The following DOHH variants were observed in gnomAD, a reference collection of about 807,000 sequenced individuals.
DOHH encodes deoxyhypusine hydroxylase.
A neutral mutation model predicts 19.9 loss-of-function variants in DOHH; 16 were observed. That is an observed-to-expected ratio of 0.80 (90% CI 0.54 to 1.22). The LOEUF (loss-of-function observed/expected upper bound fraction) is 1.22, where lower values mean the gene tolerates loss of function less well. DOHH is among the 50% of genes most tolerant of loss of function. The probability of loss-of-function intolerance (pLI) is 0.00; values close to 1 mark genes in which losing one functional copy is unlikely to be tolerated. For synonymous variants in DOHH, 233 were observed against 217.0 expected, an observed-to-expected ratio of 1.07 and a Z score of -0.65; for missense variants, 460 against 460.6, an observed-to-expected ratio of 1.00 and a Z score of 0.01.
intron 2 of DOHH, among the ~76,000 whole-genome samples, chr19:3,495,167 G>A (rs1180073652): frequency 6.6e-6 from 1 of 151,760 alleles, no homozygotes; most frequent in Non-Finnish European, 1.5e-5. Context: ...AGTTGAGACG[G>A]GGTTTCACCA....
intron 3 of DOHH, among the ~76,000 whole-genome samples, chr19:3,493,598 G>A (rs190338286): frequency 1.2e-4 from 18 of 151,144 alleles, no homozygotes; most frequent in African/African-American, 3.2e-4. Flanking sequence ...GCGACAGAGC[G>A]AGACACCGTC....
intron 1 of DOHH, among the ~76,000 whole-genome samples, 166 bp downstream of exon 1, chr19:3,500,395 T>TA (rs1230015726): frequency 6.6e-6 from 1 of 152,094 alleles, no homozygotes; most frequent in Non-Finnish European, 1.5e-5. Flanking sequence ...CTCTTTCATG[T>TA]AAAAAATCCC....
In DOHH at chr19:3,491,774, G is replaced by A. The variant is rs61731123; in HGVS notation, c.627C>T (p.Val209=). The A allele has an allele frequency of 1.1e-3, 1,649 of 1,509,512 alleles. 27 individuals are homozygous for A. In the African/African-American group the frequency reaches 0.021, roughly 19 times the overall value. The allele number at this position is 1,509,512 out of a possible 1,614,324, so 93.5% of individuals were successfully genotyped here. The change falls in exon 5 of 5, where the codon GTC becomes GTT. Residue 209 remains valine, a synonymous_variant. Coordinates refer to ENST00000427575, the MANE Select transcript of DOHH (RefSeq NM_001145165.2). The surrounding 1 kb of genome is among the most constrained non-coding windows in gnomAD (Gnocchi z 5.6). ...HCGSALFRHE[V]GYVLGQLQHE... ...GCTGCAGCTGTCCCAGGACGTAGCC[G>A]ACCTCGTGGCGGAAGAGGGCGCTCC...
chr19:3,493,084 C>T (rs996638068), intron 3 of DOHH, among the ~76,000 whole-genome samples: 7 of 152,222 alleles, frequency 4.6e-5, no homozygotes, highest in South Asian at 2.1e-4. Flanking sequence ...AAAGCAGAGA[C>T]AATTCAAGCA....
At position 3,491,210 on chromosome 19, in the gene DOHH, T is replaced by C. The variant is rs2082866857; in HGVS notation, c.*282A>G. 3.8e-6 allele frequency: 2 copies of C among 522,908 alleles called. No homozygotes were observed. The highest frequency in any genetic ancestry group is 6.7e-6 in the Non-Finnish European group (2 of 299,738). 32.4% of individuals were successfully genotyped at this position (522,908 alleles called of 1,614,324 possible). ...CTTCCCTCGCAATCCTCCCCTGTCC[T>C]GAGCCGGGCATCCCAGAGCCTCCCG... On this transcript the variant is annotated 3_prime_UTR_variant, in exon 5 of 5. Transcript: ENST00000427575. The surrounding 1 kb of genome is among the most constrained non-coding windows in gnomAD (Gnocchi z 5.6).
At chr19:3,498,398 G>A (rs1041826187) in intron 1 of DOHH, among the ~76,000 whole-genome samples, 1 of 151,968 alleles carries the variant, frequency 6.6e-6, no homozygotes, top group African/African-American at 2.4e-5. Flanking sequence ...GGCATGACAA[G>A]ATAATGAAGG....
rs747887709 is a variant in DOHH at position 3,491,720 on chromosome 19, G to A, written c.681C>T (p.Ala227=). The A allele has an allele frequency of 9.3e-6, 14 of 1,510,452 alleles. No individual in the cohort carries two copies. The Admixed American group carries it at 2.2e-4, about 23-fold the overall frequency. The allele number at this position is 1,510,452 out of a possible 1,614,324, so 93.6% of individuals were successfully genotyped here. A position where few individuals can be genotyped will look rare whatever the true frequency, so the allele number is the denominator to read the frequency against. Residue 227 remains alanine (A), a synonymous_variant, in exon 5 of 5, where the codon GCC becomes GCT. Coordinates refer to ENST00000427575, the MANE Select transcript of DOHH (RefSeq NM_001145165.2). This position sits in a 1 kb window ranked among gnomAD's most constrained non-coding sequence, Gnocchi z 5.6. The stretch of plus-strand genomic sequence containing the variant: ...GGTTCTCGGTGCATCGGGCCAGGGC[G>A]GCCGCCAGCTGGGGCACCGCCGCCT... The part of the protein sequence containing the change: ...QHEAAVPQLA[A]ALARCTENPM...
intron 3 of DOHH, among the ~76,000 whole-genome samples, chr19:3,493,597 C>T (rs8108177): frequency 0.032 from 4,871 of 150,278 alleles, 114 homozygotes; most frequent in African/African-American, 0.049. Context: ...GGCGACAGAG[C>T]GAGACACCGT....
rs2082865456 is a variant in DOHH at position 3,491,076 on chromosome 19, TCGCGA to T, written c.*411_*415del. On this transcript the variant is annotated 3_prime_UTR_variant, in exon 5 of 5. Coordinates refer to ENST00000427575, the MANE Select transcript of DOHH (RefSeq NM_001145165.2). The surrounding 1 kb of genome is among the most constrained non-coding windows in gnomAD (Gnocchi z 5.6). ...CCTCGCGATCCTCCCCTGGCTCCCC[TCGCGA>T]TCCTCCCTTGGCTTCCCTCGCGATC... 4.6e-6 allele frequency: 1 copy of T among 215,144 alleles called. No individual in the cohort carries two copies. Among genetic ancestry groups the T allele is most frequent in the African/African-American group, 2.8e-5 (1 of 35,160 alleles). The allele number at this position is 215,144 out of a possible 1,614,324, so 13.3% of individuals were successfully genotyped here. A position where few individuals can be genotyped will look rare whatever the true frequency, so the allele number is the denominator to read the frequency against.
At chr19:3,500,280 G>A (rs1183762256) in intron 1 of DOHH, among the ~76,000 whole-genome samples, 2 of 152,192 alleles carry the variant, frequency 1.3e-5, no homozygotes, top group African/African-American at 4.8e-5. Context: ...CCTTTAAAGA[G>A]GGGTCATCAG....
intron 1 of DOHH, among the ~76,000 whole-genome samples, chr19:3,498,205 C>T (rs1049885368): frequency 6.6e-6 from 1 of 152,160 alleles, no homozygotes; most frequent in African/African-American, 2.4e-5. Context: ...GAGGAACATT[C>T]TTCCCTAGAT....
Position 3,492,183 on chromosome 19 carries a change from G to A in DOHH, c.589+79C>T, listed in dbSNP as rs1478235914. ...GATGCCGTTCCCGGGGGCAGGCCGC[G>A]GCCCCACTGCACAGATGCCATCACT... On this transcript the variant is annotated intron_variant, in intron 4 of 4. Coordinates refer to ENST00000427575, the MANE Select transcript of DOHH (RefSeq NM_001145165.2). 1.1e-5 allele frequency: 14 copies of A among 1,275,406 alleles called. No individual in the cohort carries two copies. The Admixed American group carries it at 4.3e-4, about 40-fold the overall frequency. 79.0% of individuals were successfully genotyped at this position (1,275,406 alleles called of 1,614,324 possible).
rs1190577335 is a variant in DOHH at position 3,496,874 on chromosome 19, G to A, written c.-60C>T. ...TGCTCAGGCTAAACCTGGGGACGCG[G>A]GGATGTAAGAACCTGTGGCAGAAAA... On this transcript the variant is annotated 5_prime_UTR_variant, in exon 2 of 5. Coordinates refer to ENST00000427575, the MANE Select transcript of DOHH (RefSeq NM_001145165.2). The surrounding 1 kb of genome is among the most constrained non-coding windows in gnomAD (Gnocchi z 4.8). 2 of 1,410,676 alleles carry A rather than the reference G, an allele frequency of 1.4e-6. No homozygotes were observed. Among genetic ancestry groups the A allele is most frequent in the African/African-American group, 2.8e-5 (2 of 70,254 alleles). 87.4% of individuals were successfully genotyped at this position (1,410,676 alleles called of 1,614,324 possible).
Position 3,491,774 on chromosome 19 carries a change from G to T in DOHH, c.627C>A (p.Val209=). 6.6e-7 allele frequency: 1 copy of T among 1,509,516 alleles called. No individual in the cohort carries two copies. The highest frequency in any genetic ancestry group is 2.6e-5 in the East Asian group (1 of 39,004). 93.5% of individuals were successfully genotyped at this position (1,509,516 alleles called of 1,614,324 possible). ...GCTGCAGCTGTCCCAGGACGTAGCC[G>T]ACCTCGTGGCGGAAGAGGGCGCTCC... is the stretch of plus-strand genomic sequence containing the variant. ...HCGSALFRHE[V]GYVLGQLQHE... is the part of the protein sequence containing the mutation. The change falls in exon 5 of 5, where the codon GTC becomes GTA. Residue 209 remains valine, a synonymous_variant. Transcript: ENST00000427575. This position sits in a 1 kb window ranked among gnomAD's most constrained non-coding sequence, Gnocchi z 5.6.
In DOHH at chr19:3,496,735, G is replaced by A. The variant is rs1185242289; in HGVS notation, c.80C>T (p.Ala27Val). 4 of 1,612,010 alleles carry A rather than the reference G, an allele frequency of 2.5e-6. No homozygotes were observed. Among genetic ancestry groups the A allele is most frequent in the Non-Finnish European group, 3.4e-6 (4 of 1,179,654 alleles). Residue 27 changes from alanine to valine, a missense_variant, in exon 2 of 5, where the codon GCG becomes GTG. Coordinates refer to ENST00000427575, the MANE Select transcript of DOHH (RefSeq NM_001145165.2). The surrounding 1 kb of genome is among the most constrained non-coding windows in gnomAD (Gnocchi z 4.8). The stretch of plus-strand genomic sequence containing the variant: ...GCCGAGCCCACGCAGCGTGAACAGC[G>A]CCCGGAAGCGGGCCTGCAGGGGCTG... Reference protein sequence around the residue: ...PKQPLQARFRALFTLRGLGGP... With the variant: ...PKQPLQARFRVLFTLRGLGGP...
chr19:3,494,392 A>T (rs1172748452), intron 2 of DOHH, among the ~76,000 whole-genome samples: 1 of 152,254 alleles, frequency 6.6e-6, no homozygotes, highest in African/African-American at 2.4e-5. Flanking sequence ...GTATATCCCT[A>T]CAACTCGGGA....
rs1166842588 is a variant in DOHH, at chr19:3,491,488, G to C, written c.*4C>G. ...CTCCGGGAGCTCCGGGTGAGGGTGGGGCCCTAGGAGGGGGCCCCGCGCAGC... is the reference window on the plus strand; with the variant it reads ...CTCCGGGAGCTCCGGGTGAGGGTGGCGCCCTAGGAGGGGGCCCCGCGCAGC... On this transcript the variant is annotated 3_prime_UTR_variant, in exon 5 of 5. Transcript: ENST00000427575. The surrounding 1 kb of genome is among the most constrained non-coding windows in gnomAD (Gnocchi z 5.6). 1.3e-6 allele frequency: 2 copies of C among 1,531,736 alleles called. No individual in the cohort carries two copies. Among genetic ancestry groups the C allele is most frequent in the South Asian group, 1.2e-5 (1 of 83,758 alleles). The allele number at this position is 1,531,736 out of a possible 1,614,324, so 94.9% of individuals were successfully genotyped here. A position where few individuals can be genotyped will look rare whatever the true frequency, so the allele number is the denominator to read the frequency against.
In DOHH at chr19:3,491,372, G is replaced by T. The variant is rs1007368573; in HGVS notation, c.*120C>A. On this transcript the variant is annotated 3_prime_UTR_variant, in exon 5 of 5. Coordinates refer to ENST00000427575, the MANE Select transcript of DOHH (RefSeq NM_001145165.2). The surrounding 1 kb of genome is among the most constrained non-coding windows in gnomAD (Gnocchi z 5.6). ...GACGGAGGAGGGGGACAGCAACCATGCGCCCAGCAAGACACAAGCGATGAC... is the reference window on the plus strand; with the variant it reads ...GACGGAGGAGGGGGACAGCAACCATTCGCCCAGCAAGACACAAGCGATGAC... The T allele has an allele frequency of 9.0e-7, 1 of 1,107,026 alleles. No homozygotes were observed. Among genetic ancestry groups the T allele is most frequent in the Admixed American group, 2.8e-5 (1 of 36,080 alleles). The allele number at this position is 1,107,026 out of a possible 1,614,324, so 68.6% of individuals were successfully genotyped here.
At chr19:3,499,520 C>T (rs1011912279) in intron 1 of DOHH, among the ~76,000 whole-genome samples, 1 of 152,200 alleles carries the variant, frequency 6.6e-6, no homozygotes, top group Non-Finnish European at 1.5e-5. Context: ...CGCCTGTAAT[C>T]CCAGCGCTTT....
Sources: gnomAD v4.1 joint callset for allele counts (sites outside exome capture counted in the v4.1 genomes callset) on GRCh38, gnomAD v4.1.1 for gene constraint, Gnocchi (gnomAD v3.1) non-coding constraint, MANE v1.5 for transcripts, NCBI Gene and HGNC (gene_info 2026-07-23, HGNC 2026-07-21) for gene names.